Variants in STPG2 observed in about 807,000 individuals in gnomAD.
The protein encoded by STPG2 is sperm tail PG-rich repeat containing 2.
STPG2 carries 56 observed loss-of-function variants against 54.2 expected under a neutral mutation model. The observed-to-expected ratio is 1.03, with a 90% CI of 0.83 to 1.29. The LOEUF (loss-of-function observed/expected upper bound fraction) is 1.29, where lower values mean the gene tolerates loss of function less well. Ranked by LOEUF, STPG2 falls within the 50% of genes most tolerant of loss-of-function variation. STPG2 has a pLI of 0.00. For synonymous variants in STPG2, 200 were observed against 181.8 expected (o/e 1.10, Z -0.81); for missense variants, 596 against 544.9 (o/e 1.09, Z -0.93).
chr4:97,827,911 A>G (rs1189039521), intron 9 of STPG2, among the ~76,000 whole-genome samples: 2 of 152,166 alleles, frequency 1.3e-5, no homozygotes, highest in East Asian at 1.9e-4. Flanking sequence ...GGGAGCCCCA[A>G]GTTATCCTGG....
chr4:97,864,754 A>G (rs1729697341), intron 8 of STPG2, among the ~76,000 whole-genome samples: 1 of 152,110 alleles, frequency 6.6e-6, no homozygotes, highest in Admixed American at 6.6e-5. Context: ...ATATAGACCA[A>G]TGGAACAGAA....
intron 4 of STPG2, among the ~76,000 whole-genome samples, chr4:97,539,463 T>C (rs1317973445): frequency 6.6e-6 from 1 of 152,112 alleles, no homozygotes; most frequent in African/African-American, 2.4e-5. Context: ...TACATAATGG[T>C]AAAGGGATCA....
At chr4:97,946,014 A>C (rs1047913082) in intron 7 of STPG2, among the ~76,000 whole-genome samples, 1 of 152,074 alleles carries the variant, frequency 6.6e-6, no homozygotes, top group Non-Finnish European at 1.5e-5. Context: ...AGCCATAATC[A>C]CACTACTGCA....
chr4:98,048,240 CAAGATAAAAT>C (rs1193779912), intron 5 of STPG2, among the ~76,000 whole-genome samples: 4 of 151,762 alleles, frequency 2.6e-5, no homozygotes, highest in Non-Finnish European at 4.4e-5. Flanking sequence ...TTTTAATCTA[CAAGATAAAAT>C]AAGATAAAAT....
chr4:97,875,295 T>C (rs1181361552), intron 8 of STPG2, among the ~76,000 whole-genome samples: 2 of 151,920 alleles, frequency 1.3e-5, no homozygotes, highest in African/African-American at 2.4e-5. Flanking sequence ...ATAGCGGCTA[T>C]ACATAATTGT....
intron 4 of STPG2, among the ~76,000 whole-genome samples, chr4:97,543,676 C>A (rs768317340): frequency 6.6e-6 from 1 of 152,000 alleles, no homozygotes; most frequent in Non-Finnish European, 1.5e-5. Flanking sequence ...GTATGATTTA[C>A]TAAAACCATC....
chr4:97,636,868 AG>A, intron 10 of STPG2, among the ~76,000 whole-genome samples: 1 of 151,752 alleles, frequency 6.6e-6, no homozygotes, highest in East Asian at 1.9e-4. Flanking sequence ...CCAACCAAAA[AG>A]AGTCCAGGAC....
chr4:97,581,952 G>T (rs1732872881), intron 10 of STPG2, among the ~76,000 whole-genome samples: 1 of 151,238 alleles, frequency 6.6e-6, no homozygotes, highest in African/African-American at 2.4e-5. Flanking sequence ...GTCCACAATG[G>T]GAAAAAAATT....
At chr4:97,667,491 T>A (rs1722564884) in intron 10 of STPG2, among the ~76,000 whole-genome samples, 2 of 152,210 alleles carry the variant, frequency 1.3e-5, no homozygotes, top group African/African-American at 4.8e-5. Context: ...TACTAATTTA[T>A]CTCCATAACT....
intron 9 of STPG2, among the ~76,000 whole-genome samples, chr4:97,752,360 C>T (rs867488158): frequency 1.3e-5 from 2 of 151,852 alleles, no homozygotes; most frequent in Non-Finnish European, 3.0e-5. Flanking sequence ...AAATCTGAAG[C>T]TTAAAGAGGT....
At chr4:97,951,225 T>C (rs1733452497) in intron 7 of STPG2, among the ~76,000 whole-genome samples, 1 of 152,124 alleles carries the variant, frequency 6.6e-6, no homozygotes, top group Admixed American at 6.5e-5. Flanking sequence ...GGGAGACTCA[T>C]TTGAGTAATA....
At chr4:97,584,240 A>G (rs1380695760) in intron 10 of STPG2, among the ~76,000 whole-genome samples, 2 of 152,016 alleles carry the variant, frequency 1.3e-5, no homozygotes, top group East Asian at 3.9e-4. Context: ...CCTCAAAATT[A>G]TACAAATACA....
At chr4:97,579,747 A>G (rs1026878405) in intron 10 of STPG2, among the ~76,000 whole-genome samples, 6 of 152,188 alleles carry the variant, frequency 3.9e-5, no homozygotes, top group African/African-American at 1.4e-4. Context: ...CTGGTCTCCA[A>G]TAATGGAGCT....
intron 8 of STPG2, chr4:97,917,470 C>T (rs561106785): frequency 2.0e-5 from 3 of 152,190 alleles, no homozygotes; most frequent in East Asian, 3.9e-4. Context: ...GATCTCAATA[C>T]GGGTTCAACA....
chr4:98,009,269 A>G lies in STPG2; in HGVS notation c.613-27951T>C, dbSNP rs544125881. On this transcript the variant is annotated intron_variant, in intron 5 of 10. Coordinates refer to ENST00000295268, the MANE Select transcript of STPG2 (RefSeq NM_174952.3). ...CATTCACTGCATCTTATAAATTTTG[A>G]TATGTTAGTTTTTTTCATTTTTTTA... Among the ~76,000 whole-genome samples, 3 of 151,226 alleles carry G rather than the reference A, an allele frequency of 2.0e-5. No homozygotes were observed. In the South Asian group the frequency reaches 6.3e-4, roughly 32 times the overall value.
At chr4:98,012,222 C>T (rs894416465) in intron 5 of STPG2, among the ~76,000 whole-genome samples, 2 of 152,070 alleles carry the variant, frequency 1.3e-5, no homozygotes, top group African/African-American at 4.8e-5. Flanking sequence ...TTCCCCATTG[C>T]TTGTTTTTGT....
At chr4:97,546,010 C>T (rs557475606) in intron 4 of STPG2, among the ~76,000 whole-genome samples, 1 of 151,954 alleles carries the variant, frequency 6.6e-6, no homozygotes, top group East Asian at 1.9e-4. Flanking sequence ...AGTTTAATAC[C>T]TCAATTTTGA....
chr4:97,748,753 A>G (rs1383555073), intron 9 of STPG2, among the ~76,000 whole-genome samples: 1 of 151,584 alleles, frequency 6.6e-6, no homozygotes, highest in East Asian at 1.9e-4. Flanking sequence ...TGAATTTCAT[A>G]CAATTTGACA....
intron 8 of STPG2, among the ~76,000 whole-genome samples, chr4:97,881,294 C>A (rs1730366122): frequency 6.6e-6 from 1 of 152,094 alleles, no homozygotes; most frequent in Non-Finnish European, 1.5e-5. Flanking sequence ...CCATAAGTCA[C>A]TTAACCTTTT....
Sources: allele counts gnomAD v4.1 joint callset (sites outside exome capture counted in the v4.1 genomes callset), GRCh38; gene constraint gnomAD v4.1.1; transcripts MANE v1.5; gene names NCBI Gene and HGNC (gene_info 2026-07-23, HGNC 2026-07-21).